Variants in PCDH11Y observed in about 807,000 individuals in gnomAD.
PCDH11Y encodes the protein protocadherin-11 Y-linked.
For missense variants in PCDH11Y, 12 were observed against 224.8 expected (o/e 0.05, Z 6.05); for synonymous variants, 9 against 83.6 (o/e 0.11, Z 4.87).
chrY:5,004,647 T>C (rs1602833968), intron 1 of PCDH11Y, among the ~76,000 whole-genome samples: 249 of 33,883 alleles, frequency 7.3e-3, no homozygotes, highest in African/African-American at 0.028. Context: ...GCAGCCACGT[T>C]TTCTTAGTGG....
At chrY:5,316,566 T>C (rs2053107568) in intron 2 of PCDH11Y, among the ~76,000 whole-genome samples, 2 of 33,138 alleles carry the variant, frequency 6.0e-5, no homozygotes, top group South Asian at 1.4e-3. Context: ...TTTCAAGATA[T>C]GGCAAGGAAA....
chrY:5,257,892 G>A, intron 2 of PCDH11Y, among the ~76,000 whole-genome samples: 1 of 27,497 alleles, frequency 3.6e-5, no homozygotes, highest in Non-Finnish European at 8.5e-5. Context: ...TAAATGTTTG[G>A]TAGAATTCAA....
chrY:5,043,427 A>G, intron 3 of PCDH11Y, among the ~76,000 whole-genome samples: 1 of 33,347 alleles, frequency 3.0e-5, no homozygotes, highest in Admixed American at 2.8e-4. Flanking sequence ...TGATTTGCGT[A>G]TATTGAACCA....
At chrY:5,231,945 G>A in intron 2 of PCDH11Y, among the ~76,000 whole-genome samples, 1 of 32,773 alleles carries the variant, frequency 3.1e-5, no homozygotes, top group African/African-American at 1.2e-4. Context: ...AGGCCATGAC[G>A]TATACTGCCA....
intron 1 of PCDH11Y, among the ~76,000 whole-genome samples, chrY:5,065,860 T>C: frequency 3.2e-5 from 1 of 31,508 alleles, no homozygotes; most frequent in Non-Finnish European, 7.6e-5. Context: ...GCCTCTACCA[T>C]CTGGAATTGC....
chrY:5,549,485 G>A (rs2124693902), intron 3 of PCDH11Y, among the ~76,000 whole-genome samples: 1 of 33,016 alleles, frequency 3.0e-5, no homozygotes, highest in East Asian at 8.0e-4. Context: ...TGGAAAAAAA[G>A]GGAACATTTA....
intron 4 of PCDH11Y, among the ~76,000 whole-genome samples, chrY:5,603,970 A>AAAGC (rs2053476787): frequency 6.2e-5 from 2 of 32,377 alleles, no homozygotes; most frequent in African/African-American, 1.2e-4. Flanking sequence ...AGAGAGAGAG[A>AAAGC]AAGCAAGCAA....
intron 4 of PCDH11Y, among the ~76,000 whole-genome samples, chrY:5,641,695 T>A: frequency 3.1e-5 from 1 of 32,284 alleles, no homozygotes; most frequent in Non-Finnish European, 7.6e-5. Flanking sequence ...TTTGGAATAT[T>A]GTGAGAGTTA....
At chrY:5,354,535 T>C in intron 2 of PCDH11Y, among the ~76,000 whole-genome samples, 3 of 32,643 alleles carry the variant, frequency 9.2e-5, no homozygotes, top group African/African-American at 3.6e-4. Context: ...TTCTGTGAGA[T>C]AGTTTGTACT....
At chrY:5,707,253 T>G in intron 4 of PCDH11Y, among the ~76,000 whole-genome samples, 1 of 18,429 alleles carries the variant, frequency 5.4e-5, no homozygotes, top group Admixed American at 6.3e-4. Flanking sequence ...TTAAATGGGG[T>G]TGGTATTTAA....
intron 2 of PCDH11Y, among the ~76,000 whole-genome samples, chrY:5,250,708 C>A (rs2053003084): frequency 3.2e-5 from 1 of 31,205 alleles, no homozygotes; most frequent in African/African-American, 1.3e-4. Flanking sequence ...ACAACAAACA[C>A]CCATGACACA....
intron 1 of PCDH11Y, among the ~76,000 whole-genome samples, chrY:5,070,336 T>C: frequency 3.1e-5 from 1 of 32,416 alleles, no homozygotes; most frequent in African/African-American, 1.2e-4. Context: ...CTGATTTCTT[T>C]ATATGACATT....
chrY:5,515,540 C>T (rs374442389), intron 3 of PCDH11Y, among the ~76,000 whole-genome samples: 1 of 33,142 alleles, frequency 3.0e-5, no homozygotes, highest in East Asian at 8.1e-4. Context: ...ATCAAACTAC[C>T]GATTACATTC....
At chrY:5,297,799 A>G in intron 2 of PCDH11Y, among the ~76,000 whole-genome samples, 2 of 32,834 alleles carry the variant, frequency 6.1e-5, no homozygotes, top group African/African-American at 1.2e-4. Flanking sequence ...GCCCTCCTCA[A>G]TGCTTCTTTC....
chrY:5,626,001 T>C, intron 4 of PCDH11Y, among the ~76,000 whole-genome samples: 1 of 31,352 alleles, frequency 3.2e-5, no homozygotes, highest in South Asian at 7.2e-4. Flanking sequence ...TCTCTATACG[T>C]ATGTTATAAT....
intron 2 of PCDH11Y, among the ~76,000 whole-genome samples, chrY:5,032,441 CA>C (rs2052591882): frequency 3.0e-5 from 1 of 33,167 alleles, no homozygotes; most frequent in African/African-American, 1.2e-4. Flanking sequence ...GAGTTCACTC[CA>C]GTTTTAATTC....
At chrY:5,574,076 G>A in intron 3 of PCDH11Y, 1 of 218,444 alleles carries the variant, frequency 4.6e-6, no homozygotes, top group Non-Finnish European at 7.8e-6. Flanking sequence ...TGGACTCCAT[G>A]AGAAATCTGA....
In PCDH11Y at chrY:5,366,835, C is replaced by T. The variant is rs2124672622; in HGVS notation, c.3130-134222C>T. Among the ~76,000 whole-genome samples, 9 of 30,561 alleles carry T rather than the reference C, an allele frequency of 2.9e-4. No individual in the cohort carries two copies. In the South Asian group the frequency reaches 6.8e-3, roughly 23 times the overall value. 82.0% of individuals were successfully genotyped at this position (30,561 alleles called of 37,273 possible). ...TACCGGGTTCAAGTGATTCTCCTGCCTCAGCCTCCCTAGTAGCTGGGATTA... is the reference window on the plus strand; with the variant it reads ...TACCGGGTTCAAGTGATTCTCCTGCTTCAGCCTCCCTAGTAGCTGGGATTA... On this transcript the variant is annotated intron_variant, in intron 2 of 4. Transcript: ENST00000400457.
intron 4 of PCDH11Y, among the ~76,000 whole-genome samples, chrY:5,682,483 A>G (rs2053559516): frequency 3.6e-5 from 1 of 28,011 alleles, no homozygotes; most frequent in African/African-American, 1.4e-4. Context: ...GAGAGGTGCA[A>G]CACACTTTTA....
Sources: gnomAD v4.1 joint callset for allele counts (sites outside exome capture counted in the v4.1 genomes callset) on GRCh38, gnomAD v4.1.1 for gene constraint, MANE v1.5 for transcripts, NCBI Gene and HGNC (gene_info 2026-07-23, HGNC 2026-07-21) for gene names.